GLRA2: variants seen among roughly 807,000 people sequenced by gnomAD.
The protein encoded by GLRA2 is glycine receptor subunit alpha-2.
GLRA2 carries 11 observed loss-of-function variants against 31.6 expected under a neutral mutation model. That is an observed-to-expected ratio of 0.35 (90% confidence interval 0.22 to 0.58). The LOEUF (loss-of-function observed/expected upper bound fraction) is 0.58. Ranked by LOEUF, GLRA2 falls within the 20% of genes least tolerant of loss-of-function variation. The pLI is 0.84. For synonymous variants in GLRA2, 132 were observed against 134.0 expected (o/e 0.99, Z 0.10); for missense variants, 212 against 351.8 (o/e 0.60, Z 3.18).
At chrX:14,554,427 G>A (rs778636139) in intron 2 of GLRA2, among the ~76,000 whole-genome samples, 3 of 111,463 alleles carry the variant, frequency 2.7e-5, no homozygotes, top group South Asian at 3.8e-4. Flanking sequence ...GGTACTATTC[G>A]TTGGCAGACA....
the GLRA2 span, among the ~76,000 whole-genome samples, chrX:14,521,167 A>C: frequency 8.9e-6 from 1 of 112,351 alleles, no homozygotes; most frequent in Non-Finnish European, 1.9e-5. Context: ...TGTCACCTTG[A>C]CTGGATTAAG....
chrX:14,494,585 T>A, the GLRA2 span, among the ~76,000 whole-genome samples: 339 of 111,540 alleles, frequency 3.0e-3, 3 homozygotes, highest in Middle Eastern at 0.023. Flanking sequence ...CCTAGCTATA[T>A]TTCTGAGAAA....
At chrX:14,593,867 T>C (rs1292168515) in intron 4 of GLRA2, among the ~76,000 whole-genome samples, 1 of 113,271 alleles carries the variant, frequency 8.8e-6, no homozygotes, top group African/African-American at 3.2e-5. Flanking sequence ...TCTCCTTGCC[T>C]TGAGTTTCCT....
At chrX:14,636,836 A>C (rs2090715088) in intron 7 of GLRA2, among the ~76,000 whole-genome samples, 1 of 112,132 alleles carries the variant, frequency 8.9e-6, no homozygotes, top group Non-Finnish European at 1.9e-5. Context: ...TATTTTAAAA[A>C]GTGATAAATA....
chrX:14,691,362 CT>C (rs2091358819), intron 8 of GLRA2, among the ~76,000 whole-genome samples: 1 of 105,397 alleles, frequency 9.5e-6, no homozygotes, highest in South Asian at 4.3e-4. Context: ...ATCTGATTGA[CT>C]TTTTTTCATC....
intron 4 of GLRA2, among the ~76,000 whole-genome samples, chrX:14,597,215 C>T (rs1354532903): frequency 9.0e-6 from 1 of 111,544 alleles, no homozygotes; most frequent in African/African-American, 3.3e-5. Flanking sequence ...ACAGGAAGGC[C>T]TTCCTTATGT....
intron 8 of GLRA2, among the ~76,000 whole-genome samples, chrX:14,706,887 T>C (rs1364833965): frequency 2.7e-5 from 3 of 112,333 alleles, no homozygotes; most frequent in South Asian, 3.7e-4. Context: ...TTGGCAGTGA[T>C]ATCTCCACAG....
chrX:14,573,806 A>G (rs949505995), intron 2 of GLRA2, among the ~76,000 whole-genome samples: 1 of 110,544 alleles, frequency 9.0e-6, no homozygotes, highest in African/African-American at 3.3e-5. Context: ...ATCATTTCTC[A>G]TTGGTGGTCA....
chrX:14,712,182 A>G (rs1022823524), intron 8 of GLRA2, among the ~76,000 whole-genome samples: 4 of 112,689 alleles, frequency 3.5e-5, no homozygotes, highest in Admixed American at 1.9e-4. Context: ...GGGTTTCCCA[A>G]CCTTAGCACT....
chrX:14,483,297 C>A, the GLRA2 span, among the ~76,000 whole-genome samples: 4 of 110,155 alleles, frequency 3.6e-5, no homozygotes, highest in Non-Finnish European at 7.6e-5. Flanking sequence ...AATGCAGAAA[C>A]TGAGATGCAG....
intron 7 of GLRA2, among the ~76,000 whole-genome samples, chrX:14,619,879 T>C (rs1357284091): frequency 9.0e-6 from 1 of 110,498 alleles, no homozygotes; most frequent in Non-Finnish European, 1.9e-5. Context: ...CAATAAATAT[T>C]TGTTGATTGA....
Position 14,724,245 on chromosome X carries a change from A to T in GLRA2, c.1081-5962A>T, listed in dbSNP as rs1445476332. The stretch of plus-strand genomic sequence containing the variant: ...CCCCTCTAGAATGTAAATTCCAAAA[A>T]ATCAGAGACTTTTGTATTCTTGTTC... On this transcript the variant is annotated intron_variant, in intron 8 of 8. Transcript: ENST00000218075. Among the ~76,000 whole-genome samples, 6 of 111,561 alleles carry T rather than the reference A, an allele frequency of 5.4e-5. No individual in the cohort carries two copies. The East Asian group carries it at 1.7e-3, about 31-fold the overall frequency.
At chrX:14,719,899 G>A (rs186447681) in intron 8 of GLRA2, among the ~76,000 whole-genome samples, 1 of 111,912 alleles carries the variant, frequency 8.9e-6, no homozygotes, top group East Asian at 2.8e-4. Context: ...TTAATAGTAT[G>A]GATGAGTCTG....
chrX:14,545,428 G>A (rs1272258667), intron 2 of GLRA2, among the ~76,000 whole-genome samples: 1 of 110,914 alleles, frequency 9.0e-6, no homozygotes, highest in Non-Finnish European at 1.9e-5. Context: ...ATTCATGAGG[G>A]CACAGCCCTC....
At position 14,574,388 on chromosome X, in the gene GLRA2, A is replaced by G; in HGVS notation, c.258A>G (p.Thr86=). 8.4e-7 allele frequency: 1 copy of G among 1,190,562 alleles called. No homozygotes were observed. The highest frequency in any genetic ancestry group is 1.1e-6 in the Non-Finnish European group (1 of 875,723). ...NIFINSFGSV[T]ETTMDYRVNI... ...TTATCAACAGTTTTGGATCAGTCAC[A>G]GAAACGACCATGGTAAGTGCTGCAA... The change falls in exon 3 of 9, where the codon ACA becomes ACG. Residue 86 remains threonine (T), a synonymous_variant. Coordinates refer to ENST00000218075, the MANE Select transcript of GLRA2 (RefSeq NM_002063.4).
chrX:14,613,591 C>T (rs757699959), intron 7 of GLRA2, among the ~76,000 whole-genome samples: 1 of 111,680 alleles, frequency 9.0e-6, no homozygotes, highest in African/African-American at 3.2e-5. Context: ...GGAGGATGTG[C>T]ATAGGTTATA....
At chrX:14,719,532 T>C (rs750168576) in intron 8 of GLRA2, among the ~76,000 whole-genome samples, 76 of 111,636 alleles carry the variant, frequency 6.8e-4, no homozygotes, top group Non-Finnish European at 1.1e-3. Context: ...AGAATAGCTA[T>C]TATCAAAAAG....
chrX:14,527,342 C>A (rs1174878672), upstream of GLRA2, among the ~76,000 whole-genome samples: 1 of 111,859 alleles, frequency 8.9e-6, no homozygotes, highest in Non-Finnish European at 1.9e-5. Context: ...TTCGGCTGGG[C>A]GCGGTGGCTC....
At chrX:14,462,207 C>A in the GLRA2 span, among the ~76,000 whole-genome samples, 18 of 111,822 alleles carry the variant, frequency 1.6e-4, no homozygotes, top group Non-Finnish European at 2.3e-4. Flanking sequence ...GGGTTTCTGC[C>A]GAGAGATCAG....
Sources: allele counts gnomAD v4.1 joint callset (sites outside exome capture counted in the v4.1 genomes callset), GRCh38; gene constraint gnomAD v4.1.1; transcripts MANE v1.5; gene names NCBI Gene and HGNC (gene_info 2026-07-23, HGNC 2026-07-21).